Variants in GLIS3 observed in about 807,000 individuals in gnomAD.
GLIS3 encodes the protein GLIS family zinc finger 3, also known as zinc finger protein GLIS3.
Under a neutral mutation model 78.6 loss-of-function variants are expected in GLIS3, and 53 were observed. That is an observed-to-expected ratio of 0.67 (90% confidence interval 0.54 to 0.85). GLIS3 has a LOEUF of 0.85. Ranked by LOEUF, GLIS3 falls within the 40% of genes least tolerant of loss-of-function variation. The pLI, the probability that GLIS3 is intolerant of heterozygous loss-of-function variation, is 0.00. For synonymous variants in GLIS3, 684 were observed against 509.9 expected, an observed-to-expected ratio of 1.34 and a Z score of -4.60; for missense variants, 1,703 against 1,231.1, an observed-to-expected ratio of 1.38 and a Z score of -5.74.
At chr9:3,893,939 G>C (rs1463971272) in intron 7 of GLIS3, among the ~76,000 whole-genome samples, 1 of 152,182 alleles carries the variant, frequency 6.6e-6, no homozygotes, top group Non-Finnish European at 1.5e-5. Context: ...GCCTACAACA[G>C]AGAAGTATGA....
the GLIS3 span, among the ~76,000 whole-genome samples, chr9:4,439,422 T>A: frequency 6.6e-6 from 1 of 152,184 alleles, no homozygotes; most frequent in Non-Finnish European, 1.5e-5. Flanking sequence ...CTTCTTCTCC[T>A]CCTATCTTCT....
At chr9:3,972,265 G>A (rs1818435639) in intron 4 of GLIS3, among the ~76,000 whole-genome samples, 1 of 152,170 alleles carries the variant, frequency 6.6e-6, no homozygotes, top group African/African-American at 2.4e-5. Flanking sequence ...TTTTTAGGAT[G>A]AAATCTGTGC....
At chr9:4,429,166 T>C in the GLIS3 span, among the ~76,000 whole-genome samples, 34,115 of 152,032 alleles carry the variant, frequency 0.22, 4,583 homozygotes, top group African/African-American at 0.38. Flanking sequence ...TCACTCCAGA[T>C]AGAGTTACCT....
rs760074562 is a variant in GLIS3, at chr9:4,118,577, T to C, written c.901A>G (p.Arg301Gly). The C allele has an allele frequency of 1.2e-6, 2 of 1,614,244 alleles. No individual in the cohort carries two copies. Among genetic ancestry groups the C allele is most frequent in the South Asian group, 1.1e-5 (1 of 91,086 alleles). Residue 301 changes from arginine (R) to glycine (G), a missense_variant, in exon 4 of 11, where the codon AGA (arginine) becomes GGA (glycine). Coordinates refer to ENST00000381971, the MANE Select transcript of GLIS3 (RefSeq NM_001042413.2). This position sits in a 1 kb window ranked among gnomAD's most constrained non-coding sequence, Gnocchi z 4.7. Reference protein sequence around the residue: ...TRSHSARSKKRALSLSPLSDG... With the variant: ...TRSHSARSKKGALSLSPLSDG... The stretch of plus-strand genomic sequence containing the variant: ...GACAGCGGGGACAAGGACAGCGCTC[T>C]CTTCTTGGAGCGGGCCGAGTGGGAC...
chr9:4,315,091 G>A (rs986824217), intron 2 of GLIS3, among the ~76,000 whole-genome samples: 1 of 152,230 alleles, frequency 6.6e-6, no homozygotes, highest in Non-Finnish European at 1.5e-5. Flanking sequence ...CAACCAGAGT[G>A]TCTTTTCTCG....
At chr9:4,443,707 G>T in the GLIS3 span, among the ~76,000 whole-genome samples, 1 of 152,170 alleles carries the variant, frequency 6.6e-6, no homozygotes, top group Non-Finnish European at 1.5e-5. Flanking sequence ...AAGTGGCTGT[G>T]GGGAACAGGA....
At chr9:3,914,726 G>A (rs1433981816) in intron 6 of GLIS3, among the ~76,000 whole-genome samples, 1 of 152,150 alleles carries the variant, frequency 6.6e-6, no homozygotes, top group East Asian at 1.9e-4. Context: ...AAGCTGATTA[G>A]GTCCCAAATT....
chr9:4,475,718 G>T, the GLIS3 span, among the ~76,000 whole-genome samples: 3 of 152,142 alleles, frequency 2.0e-5, no homozygotes, highest in South Asian at 6.2e-4. Flanking sequence ...CTTGTAAGCT[G>T]CCATTTTGTG....
intron 4 of GLIS3, among the ~76,000 whole-genome samples, chr9:4,061,363 G>A (rs1029174957): frequency 3.3e-5 from 5 of 151,956 alleles, no homozygotes; most frequent in African/African-American, 1.2e-4. Context: ...ATGGTTTCCA[G>A]CTTCATCCAT....
chr9:4,237,505 C>A (rs1822878389), intron 2 of GLIS3, among the ~76,000 whole-genome samples: 1 of 152,190 alleles, frequency 6.6e-6, no homozygotes, highest in African/African-American at 2.4e-5. Context: ...GTCTACTGAG[C>A]CCTAGGGCAT....
intron 4 of GLIS3, among the ~76,000 whole-genome samples, chr9:4,032,730 T>C (rs977671865): frequency 2.0e-5 from 3 of 151,610 alleles, no homozygotes; most frequent in Non-Finnish European, 4.4e-5. Context: ...CCCTATGCCA[T>C]GAGGTTTCTG....
At chr9:4,450,535 A>G in the GLIS3 span, among the ~76,000 whole-genome samples, 1 of 152,172 alleles carries the variant, frequency 6.6e-6, no homozygotes, top group African/African-American at 2.4e-5. Context: ...CAACCCCAAG[A>G]CACATAATTG....
Position 4,079,112 on chromosome 9 carries a change from G to T in GLIS3, c.1710+38656C>A, listed in dbSNP as rs537440120. ...TGCACTCACATTCTACTGTGGTTTG[G>T]TTTCAGCTTGTATCATCATTACCTT... is the stretch of plus-strand genomic sequence containing the variant. On this transcript the variant is annotated intron_variant, in intron 4 of 10. Transcript: ENST00000381971. 5.9e-5 allele frequency among the ~76,000 whole-genome samples: 9 copies of T among 152,272 alleles called. No individual in the cohort carries two copies. In the South Asian group the frequency reaches 1.9e-3, roughly 32 times the overall value.
chr9:4,389,341 G>A, the GLIS3 span, among the ~76,000 whole-genome samples: 2 of 152,180 alleles, frequency 1.3e-5, no homozygotes, highest in Admixed American at 1.3e-4. Flanking sequence ...CTTCAAGGAA[G>A]TACTGGATTT....
intron 3 of GLIS3, among the ~76,000 whole-genome samples, chr9:4,122,175 T>A (rs779787979): frequency 1.4e-4 from 22 of 152,214 alleles, no homozygotes; most frequent in Non-Finnish European, 3.2e-4. Context: ...CATAAGAGCA[T>A]GAGAGGCATG....
chr9:4,311,686 G>A lies in GLIS3; in HGVS notation n.265-1158C>T, dbSNP rs184749547. Among the ~76,000 whole-genome samples the A allele has an allele frequency of 1.1e-4, 17 of 152,058 alleles. 1 individual carries two copies. Among genetic ancestry groups the A allele is most frequent in the South Asian group, 8.3e-4 (4 of 4,812 alleles). On this transcript the variant is annotated intron_variant and non_coding_transcript_variant, in intron 2 of 4. Coordinates refer to the GLIS3 transcript ENST00000471664. ...ACCCTCCTGCATCGGCCTTATCACCGCCCTCCTCTTTTAGAGCCACCTCCC... is the reference window on the plus strand; with the variant it reads ...ACCCTCCTGCATCGGCCTTATCACCACCCTCCTCTTTTAGAGCCACCTCCC...
chr9:4,331,718 G>C (rs143335122), intron 2 of GLIS3, among the ~76,000 whole-genome samples: 3 of 152,170 alleles, frequency 2.0e-5, no homozygotes, highest in Non-Finnish European at 2.9e-5. Context: ...AGACTTGAGT[G>C]TGAGCCAAAG....
chr9:4,193,675 A>G (rs1387980498), intron 2 of GLIS3, among the ~76,000 whole-genome samples: 1 of 152,222 alleles, frequency 6.6e-6, no homozygotes, highest in Admixed American at 6.5e-5. Flanking sequence ...TTGAATAACT[A>G]GGGAAGATGG....
chr9:4,079,310 A>G (rs1365538910), intron 4 of GLIS3, among the ~76,000 whole-genome samples: 1 of 152,250 alleles, frequency 6.6e-6, no homozygotes, highest in Non-Finnish European at 1.5e-5. Context: ...AAGCCCAAAG[A>G]GTCTCACAGG....
Sources: gnomAD v4.1 joint callset for allele counts (sites outside exome capture counted in the v4.1 genomes callset) on GRCh38, gnomAD v4.1.1 for gene constraint, Gnocchi (gnomAD v3.1) non-coding constraint, MANE v1.5 for transcripts, NCBI Gene and HGNC (gene_info 2026-07-23, HGNC 2026-07-21) for gene names.